Variants in INPP4B observed in about 807,000 individuals in gnomAD.
INPP4B encodes inositol polyphosphate 4-phosphatase type II.
Under a neutral mutation model 122.5 loss-of-function variants are expected in INPP4B, and 55 were observed. That is an observed-to-expected ratio of 0.45 (90% CI 0.36 to 0.56). The LOEUF is 0.56. Ranked by LOEUF, INPP4B falls within the 20% of genes least tolerant of loss-of-function variation. INPP4B has a pLI of 0.00. For synonymous variants in INPP4B, 403 were observed against 388.7 expected, an observed-to-expected ratio of 1.04 and a Z score of -0.43; for missense variants, 1,000 against 1,097.7, an observed-to-expected ratio of 0.91 and a Z score of 1.26.
intron 2 of INPP4B, among the ~76,000 whole-genome samples, chr4:142,514,873 T>C (rs941988006): frequency 7.1e-6 from 1 of 140,362 alleles, no homozygotes; most frequent in Non-Finnish European, 1.5e-5. Context: ...CTGGCTCACC[T>C]CAACCTTTGC....
intron 16 of INPP4B, among the ~76,000 whole-genome samples, chr4:142,170,067 T>A (rs1824840430): frequency 6.6e-6 from 1 of 151,662 alleles, no homozygotes; most frequent in African/African-American, 2.4e-5. Context: ...CTTCATAGAA[T>A]TGCATACTTT....
chr4:142,434,002 A>G (rs1214497658), intron 3 of INPP4B, among the ~76,000 whole-genome samples: 4 of 152,206 alleles, frequency 2.6e-5, no homozygotes, highest in African/African-American at 9.6e-5. Flanking sequence ...TAGTGATTAC[A>G]TGTAAAAAAT....
chr4:142,288,808 A>G (rs927955488), intron 9 of INPP4B, among the ~76,000 whole-genome samples: 5 of 152,168 alleles, frequency 3.3e-5, no homozygotes, highest in African/African-American at 1.2e-4. Context: ...GGATAATAAT[A>G]TATTACCTGC....
intron 12 of INPP4B, among the ~76,000 whole-genome samples, chr4:142,223,064 T>C (rs985599297): frequency 2.6e-5 from 4 of 152,186 alleles, no homozygotes; most frequent in Non-Finnish European, 5.9e-5. Flanking sequence ...TAGTAGTTAG[T>C]CTCTTTTCTA....
chr4:142,492,915 T>G lies in INPP4B; in HGVS notation c.-190-30189A>C, dbSNP rs117820883. On this transcript the variant is annotated intron_variant, in intron 2 of 25. Transcript: ENST00000262992. ...GAGACCTTCACAGCAGCCTGTCCCA[T>G]CACAGCCCTGGAGACCTAGGAGGGA... Among the ~76,000 whole-genome samples, 3 of 152,280 alleles carry G rather than the reference T, an allele frequency of 2.0e-5. No homozygotes were observed. The East Asian group carries it at 5.8e-4, about 29-fold the overall frequency.
At chr4:142,581,055 T>C (rs1040446151) in intron 2 of INPP4B, among the ~76,000 whole-genome samples, 2 of 152,058 alleles carry the variant, frequency 1.3e-5, no homozygotes, top group African/African-American at 4.8e-5. Flanking sequence ...GAAATACATG[T>C]GGACTTATTT....
intron 1 of INPP4B, among the ~76,000 whole-genome samples, chr4:142,810,642 GCA>G (rs1269431970): frequency 2.0e-5 from 3 of 152,010 alleles, no homozygotes; most frequent in Admixed American, 2.0e-4. Context: ...AATTTCTATG[GCA>G]CAAAAAGGAC....
intron 2 of INPP4B, among the ~76,000 whole-genome samples, chr4:142,528,540 TCA>T (rs1827209746): frequency 1.3e-5 from 2 of 152,100 alleles, no homozygotes; most frequent in Admixed American, 1.3e-4. Context: ...AGGACAGAAA[TCA>T]CAGTCTTTTA....
At chr4:142,191,309 C>T (rs1835728504) in intron 15 of INPP4B, among the ~76,000 whole-genome samples, 1 of 152,152 alleles carries the variant, frequency 6.6e-6, no homozygotes, top group East Asian at 1.9e-4. Flanking sequence ...CAACAAAAAA[C>T]AGCACCCAGG....
chr4:142,838,275 T>C (rs939077618), intron 1 of INPP4B, among the ~76,000 whole-genome samples: 2 of 152,118 alleles, frequency 1.3e-5, no homozygotes, highest in African/African-American at 4.8e-5. Flanking sequence ...TTTTGATGAT[T>C]TTTTTCTGAC....
At chr4:142,152,738 G>A (rs989584455) in intron 17 of INPP4B, among the ~76,000 whole-genome samples, 2 of 152,074 alleles carry the variant, frequency 1.3e-5, no homozygotes, top group South Asian at 2.1e-4. Flanking sequence ...GGACGACAAG[G>A]TGTCTGCCAC....
chr4:142,616,917 T>C (rs112340203), intron 2 of INPP4B, among the ~76,000 whole-genome samples: 1 of 151,934 alleles, frequency 6.6e-6, no homozygotes, highest in Non-Finnish European at 1.5e-5. Context: ...AGTGGAATAA[T>C]AGACACTGGA....
intron 7 of INPP4B, among the ~76,000 whole-genome samples, chr4:142,371,859 A>G (rs1790041832): frequency 1.3e-5 from 2 of 151,948 alleles, no homozygotes; most frequent in Admixed American, 6.6e-5. Flanking sequence ...GCCATTATGG[A>G]AAACGGCATG....
At chr4:142,742,673 T>C (rs1471822374) in intron 1 of INPP4B, among the ~76,000 whole-genome samples, 2 of 151,564 alleles carry the variant, frequency 1.3e-5, no homozygotes, top group African/African-American at 4.8e-5. Flanking sequence ...AAATGACCCA[T>C]GGGAAAGGAA....
Position 142,264,190 on chromosome 4 carries a change from G to A in INPP4B, c.616-3626C>T, listed in dbSNP as rs540860504. Among the ~76,000 whole-genome samples, 5 of 152,230 alleles carry A rather than the reference G, an allele frequency of 3.3e-5. No individual in the cohort carries two copies. In the South Asian group the frequency reaches 1.0e-3, roughly 32 times the overall value. On this transcript the variant is annotated intron_variant, in intron 10 of 25. Transcript: ENST00000262992. ...TATAGTGACATGTGGTGGCAGATCA[G>A]GGAGAGAAAAGGAAAAAATCAGGGA...
intron 2 of INPP4B, among the ~76,000 whole-genome samples, chr4:142,489,415 A>G (rs968830842): frequency 1.3e-5 from 2 of 152,026 alleles, no homozygotes; most frequent in African/African-American, 4.8e-5. Context: ...TTTTTTTGAG[A>G]TGGAGTCTCC....
chr4:142,659,094 T>A (rs1560931273), intron 2 of INPP4B, among the ~76,000 whole-genome samples: 1 of 152,160 alleles, frequency 6.6e-6, no homozygotes, highest in Non-Finnish European at 1.5e-5. Flanking sequence ...CCTATAATTT[T>A]TTTTTTAACA....
intron 2 of INPP4B, among the ~76,000 whole-genome samples, chr4:142,652,065 C>T (rs1013153057): frequency 6.6e-6 from 1 of 152,182 alleles, no homozygotes; most frequent in African/African-American, 2.4e-5. Flanking sequence ...GCTGGTTCAA[C>T]ATACACAAAT....
chr4:142,363,587 A>G (rs1350216954), intron 7 of INPP4B, among the ~76,000 whole-genome samples: 1 of 151,974 alleles, frequency 6.6e-6, no homozygotes, highest in Non-Finnish European at 1.5e-5. Flanking sequence ...TAAAGAGATA[A>G]TGTCACTTGT....
Sources: gnomAD v4.1 joint callset for allele counts (sites outside exome capture counted in the v4.1 genomes callset) on GRCh38, gnomAD v4.1.1 for gene constraint, MANE v1.5 for transcripts, NCBI Gene and HGNC (gene_info 2026-07-23, HGNC 2026-07-21) for gene names.